DLEU7: variants seen among roughly 807,000 people sequenced by gnomAD.
DLEU7 encodes deleted in lymphocytic leukemia 7.
A neutral mutation model predicts 16.0 loss-of-function variants in DLEU7; 17 were observed. The observed-to-expected ratio is 1.06, with a 90% confidence interval of 0.73 to 1.59. DLEU7 has a LOEUF of 1.59. Ranked by LOEUF, DLEU7 falls within the 40% of genes most tolerant of loss-of-function variation. The pLI, the probability that DLEU7 is intolerant of heterozygous loss-of-function variation, is 0.00. For synonymous variants in DLEU7, 113 were observed against 139.8 expected (o/e 0.81, Z 1.35); for missense variants, 308 against 314.9 (o/e 0.98, Z 0.17).
intron 1 of DLEU7, among the ~76,000 whole-genome samples, chr13:50,828,478 G>T (rs1158739629): frequency 6.6e-6 from 1 of 152,148 alleles, no homozygotes; most frequent in Non-Finnish European, 1.5e-5. Context: ...TCACAAATTT[G>T]TGGGATGTAG....
At chr13:50,733,758 G>T (rs1020698972) in intron 1 of DLEU7, among the ~76,000 whole-genome samples, 1 of 151,978 alleles carries the variant, frequency 6.6e-6, no homozygotes, top group South Asian at 2.1e-4. Context: ...AGTAACTTCC[G>T]CTTTGACTGT....
downstream of DLEU7, among the ~76,000 whole-genome samples, chr13:50,821,649 A>G (rs1418634487): frequency 1.3e-5 from 2 of 152,144 alleles, no homozygotes; most frequent in Non-Finnish European, 2.9e-5. Flanking sequence ...TTTTGTCAGC[A>G]TATAGGAAAC....
chr13:50,763,109 G>A (rs1168305201), intron 1 of DLEU7, among the ~76,000 whole-genome samples: 3 of 152,156 alleles, frequency 2.0e-5, no homozygotes, highest in Non-Finnish European at 4.4e-5. Flanking sequence ...CCAACTGCAC[G>A]CAGAGGGACA....
chr13:50,743,197 G>A (rs1366736808), intron 1 of DLEU7, among the ~76,000 whole-genome samples: 5 of 152,076 alleles, frequency 3.3e-5, no homozygotes, highest in Non-Finnish European at 5.9e-5. Context: ...AGGCAGGCAG[G>A]CAGGCTGGCT....
intron 1 of DLEU7, among the ~76,000 whole-genome samples, chr13:50,795,656 G>T (rs973437492): frequency 3.3e-5 from 5 of 152,038 alleles, no homozygotes; most frequent in African/African-American, 1.2e-4. Flanking sequence ...AATAATATAT[G>T]TATGTTACAC....
At position 50,726,111 on chromosome 13, in the gene DLEU7, G is replaced by T. The variant is rs1284335778; in HGVS notation, c.460-12871C>A. Among the ~76,000 whole-genome samples the T allele has an allele frequency of 6.6e-6, 1 of 152,132 alleles. No homozygotes were observed. Among genetic ancestry groups the T allele is most frequent in the Non-Finnish European group, 1.5e-5 (1 of 68,024 alleles). ...TGGAGAAGTAACGGTGAAAATTATAGTCAACAAACTACATGACTGCTTTCC... is the reference window on the plus strand; with the variant it reads ...TGGAGAAGTAACGGTGAAAATTATATTCAACAAACTACATGACTGCTTTCC... On this transcript the variant is annotated intron_variant, in intron 1 of 1. Transcript: ENST00000400393. The surrounding 1 kb of genome is among the most constrained non-coding windows in gnomAD (Gnocchi z 4.0).
chr13:50,799,073 G>T (rs546470853), intron 1 of DLEU7, among the ~76,000 whole-genome samples: 72 of 152,276 alleles, frequency 4.7e-4, no homozygotes, highest in African/African-American at 1.6e-3. Flanking sequence ...CCAGAACAGG[G>T]TCCCTATTCT....
At chr13:50,809,214 G>A (rs1274662173) in intron 1 of DLEU7, among the ~76,000 whole-genome samples, 1 of 152,066 alleles carries the variant, frequency 6.6e-6, no homozygotes, top group Non-Finnish European at 1.5e-5. Context: ...TATTTAGAAA[G>A]TAAAACCGAA....
At chr13:50,818,952 CA>C (rs1876815940), downstream of DLEU7, among the ~76,000 whole-genome samples, 1 of 152,280 alleles carries the variant, frequency 6.6e-6, no homozygotes, top group Non-Finnish European at 1.5e-5. Context: ...CTAATGTAAT[CA>C]CATCTGTTAC....
intron 1 of DLEU7, among the ~76,000 whole-genome samples, chr13:50,755,865 G>A (rs1350215032): frequency 6.6e-6 from 1 of 152,166 alleles, no homozygotes; most frequent in Non-Finnish European, 1.5e-5. Flanking sequence ...AAGGTCTAGG[G>A]CTGAAGGCTG....
upstream of DLEU7, chr13:50,843,711 G>A (rs1309573345): frequency 3.4e-6 from 5 of 1,470,590 alleles, no homozygotes; most frequent in Non-Finnish European, 4.5e-6. This position sits in a 1 kb window ranked among gnomAD's most constrained non-coding sequence, Gnocchi z 5.7. Flanking sequence ...AGGCGGGGGC[G>A]TTGGGGTCGC....
intron 1 of DLEU7, among the ~76,000 whole-genome samples, chr13:50,755,550 T>C (rs1174690782): frequency 3.0e-5 from 1 of 33,802 alleles, no homozygotes. Context: ...TTTTTATTGC[T>C]TTTTTTTATG....
chr13:50,815,386 G>A (rs920434070), intron 1 of DLEU7, among the ~76,000 whole-genome samples: 1 of 152,110 alleles, frequency 6.6e-6, no homozygotes, highest in African/African-American at 2.4e-5. Context: ...ATGAGGGGAA[G>A]GAAATGAGAG....
intron 1 of DLEU7, among the ~76,000 whole-genome samples, chr13:50,808,289 C>T (rs888904689): frequency 6.6e-6 from 1 of 152,154 alleles, no homozygotes; most frequent in Non-Finnish European, 1.5e-5. Flanking sequence ...TATCACTATC[C>T]AGTGAGTATC....
At chr13:50,816,526 C>T (rs1228043112) in intron 1 of DLEU7, among the ~76,000 whole-genome samples, 1 of 151,966 alleles carries the variant, frequency 6.6e-6, no homozygotes, top group Non-Finnish European at 1.5e-5. Flanking sequence ...CATTAATAGC[C>T]TTCTAAATGC....
chr13:50,745,427 G>A (rs1435687192), intron 1 of DLEU7, among the ~76,000 whole-genome samples: 1 of 152,170 alleles, frequency 6.6e-6, no homozygotes, highest in Non-Finnish European at 1.5e-5. Flanking sequence ...TGGGGAGTTA[G>A]TGTTTAACGG....
At chr13:50,796,721 C>G (rs554759157) in intron 1 of DLEU7, among the ~76,000 whole-genome samples, 1 of 152,162 alleles carries the variant, frequency 6.6e-6, no homozygotes, top group African/African-American at 2.4e-5. Flanking sequence ...TACTTCCAGG[C>G]CTGCTTATGA....
intron 1 of DLEU7, among the ~76,000 whole-genome samples, chr13:50,755,514 A>G (rs984396598): frequency 2.6e-5 from 4 of 151,614 alleles, no homozygotes; most frequent in African/African-American, 9.7e-5. Context: ...TTGTATTTCT[A>G]TAAATGTGTC....
chr13:50,820,962 C>T (rs1222547923), downstream of DLEU7, among the ~76,000 whole-genome samples: 1 of 151,990 alleles, frequency 6.6e-6, no homozygotes, highest in Non-Finnish European at 1.5e-5. Context: ...GTGCATTTTA[C>T]ATTTTCAGCA....
Sources: gnomAD v4.1 joint callset for allele counts (sites outside exome capture counted in the v4.1 genomes callset) on GRCh38, gnomAD v4.1.1 for gene constraint, Gnocchi (gnomAD v3.1) non-coding constraint, MANE v1.5 for transcripts, NCBI Gene and HGNC (gene_info 2026-07-23, HGNC 2026-07-21) for gene names.